Variants in YAP1 observed in about 807,000 individuals in gnomAD.
YAP1 encodes transcriptional coactivator YAP1.
Under a neutral mutation model 56.9 loss-of-function variants are expected in YAP1, and 5 were observed. The observed-to-expected ratio is 0.09, with a 90% confidence interval of 0.05 to 0.18. The LOEUF (loss-of-function observed/expected upper bound fraction) is 0.18, where lower values mean the gene tolerates loss of function less well. Among genes scored for constraint, YAP1 ranks in the 10% least tolerant of loss-of-function variants. The pLI, the probability that YAP1 is intolerant of heterozygous loss-of-function variation, is 1.00. For missense variants in YAP1, 539 were observed against 651.8 expected, an observed-to-expected ratio of 0.83 and a Z score of 1.88; for synonymous variants, 265 against 248.1, an observed-to-expected ratio of 1.07 and a Z score of -0.64.
chr11:102,146,487 C>G (rs1175726852), intron 2 of YAP1, among the ~76,000 whole-genome samples: 1 of 152,198 alleles, frequency 6.6e-6, no homozygotes, highest in African/African-American at 2.4e-5. Flanking sequence ...GCTACTTACC[C>G]TGAGAAGGTC....
rs1388781228 is a variant in YAP1, at chr11:102,233,250, G to T, written c.*3310G>T. 1 of 152,020 alleles carries T rather than the reference G, an allele frequency of 6.6e-6. No homozygotes were observed. The highest frequency in any genetic ancestry group is 1.9e-4 in the East Asian group (1 of 5,194). 9.4% of individuals were successfully genotyped at this position (152,020 alleles called of 1,614,324 possible). On this transcript the variant is annotated 3_prime_UTR_variant, in exon 9 of 9. Coordinates refer to ENST00000282441, the MANE Select transcript of YAP1 (RefSeq NM_001130145.3). ...GTTTTATATTAGAGAATTCTTTAAT[G>T]CACACTTGTCAAATATATATATATA...
chr11:102,144,879 T>C (rs11225150), intron 2 of YAP1, among the ~76,000 whole-genome samples: 2,822 of 35,826 alleles, frequency 0.079, 96 homozygotes, highest in African/African-American at 0.14. Context: ...CACACACACA[T>C]ACACACACTC....
intron 3 of YAP1, among the ~76,000 whole-genome samples, chr11:102,176,745 C>CAAAAAAAAAAAAAAAAAAAAAAAAAA (rs57082707): frequency 3.7e-4 from 17 of 45,510 alleles, no homozygotes; most frequent in African/African-American, 6.2e-4. Flanking sequence ...GACTCCGTCT[C>CAAAAAAAAAAAAAAAAAAAAAAAAAA]AAAAAAAAAA....
chr11:102,211,068 A>G (rs1591432492), intron 6 of YAP1, among the ~76,000 whole-genome samples: 1 of 152,146 alleles, frequency 6.6e-6, no homozygotes, highest in East Asian at 1.9e-4. Flanking sequence ...AGTGTTTCTG[A>G]AAGAAGAATT....
intron 4 of YAP1, among the ~76,000 whole-genome samples, chr11:102,204,077 C>T (rs913912824): frequency 6.6e-6 from 1 of 151,826 alleles, no homozygotes; most frequent in Non-Finnish European, 1.5e-5. Context: ...GGTTCTGTCT[C>T]GGTGCTGTGC....
chr11:102,161,034 T>C (rs1262564245), intron 2 of YAP1, among the ~76,000 whole-genome samples: 1 of 151,254 alleles, frequency 6.6e-6, no homozygotes, highest in Non-Finnish European at 1.5e-5. Flanking sequence ...TCTTGGCCAG[T>C]GTCACCAATA....
chr11:102,215,964 C>T (rs189688345), intron 6 of YAP1, among the ~76,000 whole-genome samples: 5 of 152,244 alleles, frequency 3.3e-5, no homozygotes, highest in Admixed American at 3.3e-4. Flanking sequence ...GTGGTTCAGT[C>T]TAGCCAAAAA....
chr11:102,220,210 G>GGAAGA (rs1371774754), intron 6 of YAP1, among the ~76,000 whole-genome samples: 14 of 151,666 alleles, frequency 9.2e-5, no homozygotes, highest in African/African-American at 3.1e-4. Context: ...AAAATTTGGA[G>GGAAGA]GAAGAGAAAA....
intron 2 of YAP1, among the ~76,000 whole-genome samples, chr11:102,140,085 T>C (rs1944921591): frequency 1.3e-5 from 2 of 152,298 alleles, no homozygotes; most frequent in African/African-American, 4.8e-5. Context: ...CTTAGAACCT[T>C]TCCACTTTTT....
At chr11:102,178,263 G>A (rs1947380498) in intron 3 of YAP1, among the ~76,000 whole-genome samples, 1 of 152,172 alleles carries the variant, frequency 6.6e-6, no homozygotes. Context: ...TACTTTTCCA[G>A]CTACTCTTGT....
intron 3 of YAP1, among the ~76,000 whole-genome samples, chr11:102,170,689 C>T (rs1946850147): frequency 6.6e-6 from 1 of 152,028 alleles, no homozygotes; most frequent in Admixed American, 6.6e-5. Flanking sequence ...TTAAGGTAGG[C>T]CGGGTGTGGT....
At chr11:102,144,901 C>G (rs1945241673) in intron 2 of YAP1, among the ~76,000 whole-genome samples, 2 of 152,040 alleles carry the variant, frequency 1.3e-5, no homozygotes, top group Admixed American at 1.3e-4. Flanking sequence ...TGCTCACACA[C>G]TCATGCTCAC....
chr11:102,126,712 G>A (rs945395430), intron 2 of YAP1, among the ~76,000 whole-genome samples: 2 of 152,166 alleles, frequency 1.3e-5, no homozygotes, highest in Non-Finnish European at 2.9e-5. Context: ...CCAAAAATTT[G>A]GAAGTGACTT....
intron 7 of YAP1, among the ~76,000 whole-genome samples, 159 bp from the exon 8 acceptor site, chr11:102,227,310 T>A (rs1041344258): frequency 2.6e-5 from 4 of 152,228 alleles, no homozygotes; most frequent in African/African-American, 9.6e-5. Flanking sequence ...AAGCCCTGTC[T>A]ATGGCCCTGA....
At position 102,197,611 on chromosome 11, in the gene YAP1, C is replaced by G. The variant is rs554641109; in HGVS notation, c.803-8282C>G. 3.1e-4 allele frequency among the ~76,000 whole-genome samples: 47 copies of G among 152,246 alleles called. No homozygotes were observed. The South Asian group carries it at 8.9e-3, about 29-fold the overall frequency. On this transcript the variant is annotated intron_variant, in intron 4 of 8. Coordinates refer to ENST00000282441, the MANE Select transcript of YAP1 (RefSeq NM_001130145.3). ...CATTGGTTTTCTACCATAAAGCTGT[C>G]AGGGCTGATTTGTTAAGCAAAACTT... is the stretch of plus-strand genomic sequence containing the variant.
At chr11:102,175,387 G>A (rs927028670) in intron 3 of YAP1, among the ~76,000 whole-genome samples, 13 of 152,056 alleles carry the variant, frequency 8.5e-5, no homozygotes, top group African/African-American at 3.1e-4. Context: ...GTGACAGAGC[G>A]AGACCTCGTC....
At chr11:102,156,021 A>G (rs1248746491) in intron 2 of YAP1, among the ~76,000 whole-genome samples, 4 of 151,330 alleles carry the variant, frequency 2.6e-5, no homozygotes, top group Admixed American at 1.3e-4. Context: ...GGTACCCATC[A>G]CATTTGTTTC....
At position 102,150,519 on chromosome 11, in the gene YAP1, T is replaced by C. The variant is rs181761684; in HGVS notation, c.573-11937T>C. On this transcript the variant is annotated intron_variant, in intron 2 of 8. Coordinates refer to ENST00000282441, the MANE Select transcript of YAP1 (RefSeq NM_001130145.3). ...TACCAATTAAGCCTGCATTATATAA[T>C]GTATGTGATTATCTAATGGTTTCAC... is the stretch of plus-strand genomic sequence containing the variant. 1.6e-4 allele frequency among the ~76,000 whole-genome samples: 25 copies of C among 152,286 alleles called. No individual in the cohort carries two copies. The East Asian group carries it at 4.8e-3, about 29-fold the overall frequency.
intron 2 of YAP1, among the ~76,000 whole-genome samples, chr11:102,134,813 A>T (rs1407289072): frequency 6.6e-6 from 1 of 152,074 alleles, no homozygotes; most frequent in Admixed American, 6.6e-5. Flanking sequence ...GGCTGAAGCG[A>T]TCCTCTGGCC....
Sources: allele counts gnomAD v4.1 joint callset (sites outside exome capture counted in the v4.1 genomes callset), GRCh38; gene constraint gnomAD v4.1.1; transcripts MANE v1.5; gene names NCBI Gene and HGNC (gene_info 2026-07-23, HGNC 2026-07-21).